The following FNBP1L variants were observed in gnomAD, a reference collection of about 807,000 sequenced individuals.
FNBP1L encodes the protein formin binding protein 1 like.
Under a neutral mutation model 91.2 loss-of-function variants are expected in FNBP1L, and 36 were observed. The observed-to-expected ratio is 0.39, with a 90% CI of 0.30 to 0.52. FNBP1L has a LOEUF of 0.52. FNBP1L is among the 20% of genes least tolerant of loss of function. The pLI, the probability that FNBP1L is intolerant of heterozygous loss-of-function variation, is 0.66. For synonymous variants in FNBP1L, 242 were observed against 237.0 expected (o/e 1.02, Z -0.19); for missense variants, 571 against 732.1 (o/e 0.78, Z 2.54).
In FNBP1L at chr1:93,552,945, T is replaced by C. The variant is rs1672463485; in HGVS notation, c.*529T>C. The stretch of plus-strand genomic sequence containing the variant: ...GTTCTTGTCAAAGCCTTGTTTTGTT[T>C]TACATTTGTAGTGCAAATCACTTTG... On this transcript the variant is annotated 3_prime_UTR_variant, in exon 17 of 17. Coordinates refer to ENST00000271234, the MANE Select transcript of FNBP1L (RefSeq NM_001164473.3). 6.6e-6 allele frequency: 1 copy of C among 152,544 alleles called. No homozygotes were observed. The highest frequency in any genetic ancestry group is 2.4e-5 in the African/African-American group (1 of 41,472). 9.4% of individuals were successfully genotyped at this position (152,544 alleles called of 1,614,324 possible).
chr1:93,450,024 C>T (rs2449373), intron 1 of FNBP1L, among the ~76,000 whole-genome samples: 149,480 of 152,312 alleles, frequency 0.98, 73,404 homozygotes, highest in East Asian at 1. Context: ...TAGAATACTT[C>T]TAAAAAGTAA....
intron 2 of FNBP1L, among the ~76,000 whole-genome samples, chr1:93,509,002 A>G (rs910867478): frequency 3.3e-5 from 5 of 152,194 alleles, no homozygotes; most frequent in African/African-American, 1.2e-4. Context: ...CTTCCTAAGA[A>G]TTACAACAGA....
At chr1:93,549,750 A>G (rs1310823819) in intron 15 of FNBP1L, among the ~76,000 whole-genome samples, 7 of 152,220 alleles carry the variant, frequency 4.6e-5, no homozygotes, top group African/African-American at 1.4e-4. Context: ...CAGCTTGAAC[A>G]TGTAGCTCAA....
chr1:93,550,164 ACTT>A (rs1672360681), intron 15 of FNBP1L, among the ~76,000 whole-genome samples: 2 of 152,200 alleles, frequency 1.3e-5, no homozygotes, highest in Non-Finnish European at 2.9e-5. Context: ...GTCTCTAGTT[ACTT>A]CTTATTAGAA....
At chr1:93,508,101 A>G (rs1670697678) in intron 2 of FNBP1L, among the ~76,000 whole-genome samples, 1 of 151,480 alleles carries the variant, frequency 6.6e-6, no homozygotes, top group Non-Finnish European at 1.5e-5. Context: ...TAATCCCAGC[A>G]TTTTGGGAGG....
At chr1:93,530,727 A>T in intron 6 of FNBP1L, 28 bp from the exon 7 acceptor site, 1 of 1,586,728 alleles carries the variant, frequency 6.3e-7, no homozygotes, top group East Asian at 2.3e-5. Flanking sequence ...TTTGTTGTTG[A>T]TAATAATTTC....
intron 13 of FNBP1L, 83 bp from the exon 14 acceptor site, chr1:93,547,264 T>TA (rs1672272946): frequency 1.7e-6 from 2 of 1,174,114 alleles, no homozygotes; most frequent in Non-Finnish European, 2.4e-6. Context: ...TATAAAAACT[T>TA]AAACACATTT....
intron 1 of FNBP1L, among the ~76,000 whole-genome samples, chr1:93,449,906 A>G (rs2101677815): frequency 6.6e-6 from 1 of 152,084 alleles, no homozygotes; most frequent in African/African-American, 2.4e-5. Flanking sequence ...TAAATTTTTT[A>G]TTTTTTTCAT....
At chr1:93,490,496 G>A (rs1321845773) in intron 1 of FNBP1L, among the ~76,000 whole-genome samples, 1 of 152,192 alleles carries the variant, frequency 6.6e-6, no homozygotes, top group African/African-American at 2.4e-5. Flanking sequence ...CTGATACAGA[G>A]ATTCATTTCA....
Position 93,544,111 on chromosome 1 carries a change from C to A in FNBP1L, c.1169C>A (p.Pro390Gln). ...LKRGWSVKMGPALEDFSHLPP... is the reference protein window; with the variant it reads ...LKRGWSVKMGQALEDFSHLPP... ...TGATTTAGATTCTCTTTTCAGGGCC[C>A]AGCACTAGAAGATTTCAGTCATCTG... The change falls in exon 12 of 17, where the codon CCA (proline) becomes CAA (glutamine). Residue 390 changes from proline to glutamine, a missense_variant. Pro to Gln is a moderately conservative substitution (Grantham distance 76, BLOSUM62 -1). Transcript: ENST00000271234. 6.2e-7 allele frequency: 1 copy of A among 1,601,820 alleles called. No homozygotes were observed. The highest frequency in any genetic ancestry group is 8.5e-7 in the Non-Finnish European group (1 of 1,173,394).
At chr1:93,493,078 A>G (rs1451361151) in intron 1 of FNBP1L, among the ~76,000 whole-genome samples, 2 of 152,194 alleles carry the variant, frequency 1.3e-5, no homozygotes, top group African/African-American at 2.4e-5. Flanking sequence ...AGCCTGGGCA[A>G]CATGGCAAAA....
chr1:93,549,753 T>C (rs1257164832), intron 15 of FNBP1L, among the ~76,000 whole-genome samples: 2 of 152,222 alleles, frequency 1.3e-5, no homozygotes, highest in African/African-American at 4.8e-5. Context: ...CTTGAACATG[T>C]AGCTCAACCC....
chr1:93,534,850 C>A lies in FNBP1L; in HGVS notation c.932C>A (p.Ala311Asp). The change falls in exon 9 of 17, where the codon GCC (alanine) becomes GAC (aspartate). Residue 311 changes from alanine (A) to aspartate (D), a missense_variant. By Grantham distance (126) the Ala-to-Asp change is moderately radical (BLOSUM62 -2). This residue lies in a region of FNBP1L where 150 missense variants were observed against 155.9 expected (regional missense o/e 0.96). Coordinates refer to ENST00000271234, the MANE Select transcript of FNBP1L (RefSeq NM_001164473.3). ...ASKQESGKMDAKTTVGKAKGK... is the reference protein window; with the variant it reads ...ASKQESGKMDDKTTVGKAKGK... The stretch of plus-strand genomic sequence containing the variant: ...AAACAGGAGAGTGGGAAGATGGATG[C>A]CAAAACCACAGTAGGAAAGGCCAAG... 6.3e-7 allele frequency: 1 copy of A among 1,580,094 alleles called. No homozygotes were observed. Among genetic ancestry groups the A allele is most frequent in the Non-Finnish European group, 8.6e-7 (1 of 1,161,880 alleles).
intron 1 of FNBP1L, among the ~76,000 whole-genome samples, chr1:93,461,401 TAACAAGAA>T (rs1201273304): frequency 6.6e-6 from 1 of 152,150 alleles, no homozygotes; most frequent in Non-Finnish European, 1.5e-5. Context: ...TTGTCTTATG[TAACAAGAA>T]ATTTGGAGGT....
intron 2 of FNBP1L, among the ~76,000 whole-genome samples, chr1:93,500,238 C>G (rs1192818969): frequency 6.6e-6 from 1 of 152,110 alleles, no homozygotes; most frequent in Non-Finnish European, 1.5e-5. Flanking sequence ...AAAATCCAAC[C>G]TAAACAGGCA....
At chr1:93,484,155 C>G (rs1488710220) in intron 1 of FNBP1L, among the ~76,000 whole-genome samples, 1 of 152,172 alleles carries the variant, frequency 6.6e-6, no homozygotes. Context: ...TCTCAAACTC[C>G]TGACCTTGTG....
chr1:93,449,799 C>G (rs1328364082), intron 1 of FNBP1L, among the ~76,000 whole-genome samples: 3 of 152,130 alleles, frequency 2.0e-5, no homozygotes, highest in Non-Finnish European at 4.4e-5. Context: ...GTTTCTCAGG[C>G]ATTATTGGCC....
chr1:93,545,885 A>C (rs908509728), intron 12 of FNBP1L, among the ~76,000 whole-genome samples: 1 of 152,064 alleles, frequency 6.6e-6, no homozygotes, highest in Non-Finnish European at 1.5e-5. Context: ...CTATAGATTT[A>C]ATTGCAACAA....
chr1:93,458,518 G>C (rs979719816), intron 1 of FNBP1L, among the ~76,000 whole-genome samples: 1 of 152,178 alleles, frequency 6.6e-6, no homozygotes, highest in Admixed American at 6.5e-5. Flanking sequence ...ACCTGAAACT[G>C]TAAAAATACT....
Sources: allele counts gnomAD v4.1 joint callset (sites outside exome capture counted in the v4.1 genomes callset), GRCh38; gene constraint gnomAD v4.1.1; regional missense constraint gnomAD v4.1.1; transcripts MANE v1.5; gene names NCBI Gene and HGNC (gene_info 2026-07-23, HGNC 2026-07-21).